Variants in XKR4 observed in about 807,000 individuals in gnomAD.
XKR4 encodes XK related 4.
A neutral mutation model predicts 53.9 loss-of-function variants in XKR4; 12 were observed. That is an observed-to-expected ratio of 0.22 (90% CI 0.14 to 0.36). XKR4 has a LOEUF of 0.36. Among genes scored for constraint, XKR4 ranks in the 10% least tolerant of loss-of-function variants. The pLI is 1.00. For synonymous variants in XKR4, 354 were observed against 362.4 expected, an observed-to-expected ratio of 0.98 and a Z score of 0.26; for missense variants, 799 against 859.5, an observed-to-expected ratio of 0.93 and a Z score of 0.88.
intron 1 of XKR4, among the ~76,000 whole-genome samples, chr8:55,276,883 C>T (rs1304211710): frequency 1.3e-5 from 2 of 152,114 alleles, no homozygotes; most frequent in Non-Finnish European, 2.9e-5. Context: ...CAAAATAAAT[C>T]CAGTCAGACA....
rs1806914205 is a variant in XKR4, at chr8:55,528,952, C to T, written c.*4725C>T. The T allele has an allele frequency of 6.6e-6, 1 of 150,794 alleles. No individual in the cohort carries two copies. The highest frequency in any genetic ancestry group is 1.5e-5 in the Non-Finnish European group (1 of 67,858). The allele number at this position is 150,794 out of a possible 1,614,324, so 9.3% of individuals were successfully genotyped here. On this transcript the variant is annotated 3_prime_UTR_variant, in exon 3 of 3. Coordinates refer to ENST00000327381, the MANE Select transcript of XKR4 (RefSeq NM_052898.2). ...TGAGCATTCGAGTGGCATCCCTTCT[C>T]CTCACATAGGCACCTGGGTGGCAGC...
intron 1 of XKR4, among the ~76,000 whole-genome samples, chr8:55,211,828 G>A (rs1375566354): frequency 6.6e-6 from 1 of 152,228 alleles, no homozygotes; most frequent in African/African-American, 2.4e-5. Context: ...TTATTCTCAA[G>A]CAAATATGAG....
chr8:55,454,088 AAGG>A (rs1242302710), intron 2 of XKR4: 15 of 820,146 alleles, frequency 1.8e-5, no homozygotes, highest in African/African-American at 3.3e-5. Context: ...CTGCATATTC[AAGG>A]AGGAGGGGGA....
chr8:55,475,057 G>T (rs967797642), intron 2 of XKR4, among the ~76,000 whole-genome samples: 1 of 151,866 alleles, frequency 6.6e-6, no homozygotes, highest in African/African-American at 2.4e-5. Flanking sequence ...AATAACCTAA[G>T]AACTTATAAA....
chr8:55,424,589 C>T (rs1804986565), intron 2 of XKR4, among the ~76,000 whole-genome samples: 1 of 152,234 alleles, frequency 6.6e-6, no homozygotes, highest in Non-Finnish European at 1.5e-5. Flanking sequence ...CTGGCAGGTT[C>T]TTCTGCCACG....
chr8:55,239,101 T>C (rs1400555993), intron 1 of XKR4, among the ~76,000 whole-genome samples: 6 of 152,218 alleles, frequency 3.9e-5, no homozygotes, highest in Admixed American at 1.3e-4. Context: ...CTGTAATAAT[T>C]TGGGCTCTGT....
chr8:55,152,482 AT>A (rs397728637), intron 1 of XKR4, among the ~76,000 whole-genome samples: 4 of 151,518 alleles, frequency 2.6e-5, no homozygotes, highest in Admixed American at 2.0e-4. Flanking sequence ...GGTTATGAAA[AT>A]TTTTTTGTCT....
At chr8:55,421,890 G>A (rs1395920871) in intron 2 of XKR4, among the ~76,000 whole-genome samples, 1 of 152,164 alleles carries the variant, frequency 6.6e-6, no homozygotes, top group South Asian at 2.1e-4. Context: ...AGAACAAAAC[G>A]TCCTTGGTTC....
At chr8:55,184,379 G>GA (rs1180686761) in intron 1 of XKR4, among the ~76,000 whole-genome samples, 1 of 152,120 alleles carries the variant, frequency 6.6e-6, no homozygotes, top group Non-Finnish European at 1.5e-5. Context: ...TTTGAGATTT[G>GA]AAAATCTCTG....
chr8:55,364,707 A>G (rs1803951257), intron 2 of XKR4, among the ~76,000 whole-genome samples: 1 of 152,064 alleles, frequency 6.6e-6, no homozygotes, highest in Non-Finnish European at 1.5e-5. Flanking sequence ...ATCTTGGCTC[A>G]CTGCAACCTC....
At chr8:55,141,457 T>C (rs1331696899) in intron 1 of XKR4, among the ~76,000 whole-genome samples, 2 of 151,954 alleles carry the variant, frequency 1.3e-5, no homozygotes, top group Non-Finnish European at 2.9e-5. Flanking sequence ...CCAAATCCCA[T>C]CTTCCTCAGG....
At chr8:55,289,642 A>G (rs140031161) in intron 1 of XKR4, among the ~76,000 whole-genome samples, 1,959 of 105,942 alleles carry the variant, frequency 0.018, 47 homozygotes, top group East Asian at 0.084. Flanking sequence ...AGAAAGAAAG[A>G]AAGAAAGGAA....
At chr8:55,308,587 A>G (rs966705065) in intron 1 of XKR4, among the ~76,000 whole-genome samples, 23 of 152,178 alleles carry the variant, frequency 1.5e-4, no homozygotes, top group African/African-American at 5.3e-4. Flanking sequence ...ACAATTTGCT[A>G]TGAGATTTGG....
At chr8:55,201,047 G>A (rs1817571790) in intron 1 of XKR4, among the ~76,000 whole-genome samples, 1 of 152,064 alleles carries the variant, frequency 6.6e-6, no homozygotes, top group African/African-American at 2.4e-5. Flanking sequence ...TGGGGATTTT[G>A]TTATTGTTGT....
chr8:55,522,310 AT>A (rs1230022474), intron 2 of XKR4, among the ~76,000 whole-genome samples: 2 of 152,374 alleles, frequency 1.3e-5, no homozygotes, highest in African/African-American at 4.8e-5. Context: ...TTTCAGCACA[AT>A]CTTTAATCTA....
rs1473479260 is a variant in XKR4, at chr8:55,537,744, TC to T, written c.*13519del. 6.6e-6 allele frequency: 1 copy of T among 152,184 alleles called. No individual in the cohort carries two copies. The highest frequency in any genetic ancestry group is 6.5e-5 in the Admixed American group (1 of 15,278). The allele number at this position is 152,184 out of a possible 1,614,324, so 9.4% of individuals were successfully genotyped here. ...GAATGTTTTTATGAAATCAAATGGA[TC>T]CTCCACTTTGTGTAGTAAGGACCCC... On this transcript the variant is annotated 3_prime_UTR_variant, in exon 3 of 3. Transcript: ENST00000327381.
At position 55,533,707 on chromosome 8, in the gene XKR4, C is replaced by T. The variant is rs549890428; in HGVS notation, c.*9480C>T. On this transcript the variant is annotated 3_prime_UTR_variant, in exon 3 of 3. Coordinates refer to ENST00000327381, the MANE Select transcript of XKR4 (RefSeq NM_052898.2). ...GGAGGTGATTTGCAGTTAATTAATT[C>T]AACAGACACTTTAATCTTGCAAATT... 9 of 152,296 alleles carry T rather than the reference C, an allele frequency of 5.9e-5. No homozygotes were observed. The highest frequency in any genetic ancestry group is 2.2e-4 in the African/African-American group (9 of 41,558). The allele number at this position is 152,296 out of a possible 1,614,324, so 9.4% of individuals were successfully genotyped here. A position where few individuals can be genotyped will look rare whatever the true frequency, so the allele number is the denominator to read the frequency against.
At chr8:55,237,104 C>T (rs1302007808) in intron 1 of XKR4, among the ~76,000 whole-genome samples, 1 of 152,192 alleles carries the variant, frequency 6.6e-6, no homozygotes. Flanking sequence ...GTTTTAGTTT[C>T]CTCCTCTGAG....
intron 2 of XKR4, among the ~76,000 whole-genome samples, chr8:55,494,610 C>T (rs534331207): frequency 2.6e-5 from 4 of 152,178 alleles, no homozygotes; most frequent in South Asian, 2.1e-4. Context: ...GGGTGTCCAA[C>T]GAGTGTTCAG....
Sources: allele counts gnomAD v4.1 joint callset (sites outside exome capture counted in the v4.1 genomes callset), GRCh38; gene constraint gnomAD v4.1.1; transcripts MANE v1.5; gene names NCBI Gene and HGNC (gene_info 2026-07-23, HGNC 2026-07-21).